The following CABCOCO1 variants were observed in gnomAD, a reference collection of about 807,000 sequenced individuals.
The protein encoded by CABCOCO1 is ciliary-associated calcium-binding coiled-coil protein 1.
CABCOCO1 carries 28 observed loss-of-function variants against 35.7 expected under a neutral mutation model. The observed-to-expected ratio is 0.78, with a 90% CI of 0.58 to 1.07. The LOEUF (loss-of-function observed/expected upper bound fraction) is 1.07, where lower values mean the gene tolerates loss of function less well. CABCOCO1 is among the 50% of genes least tolerant of loss of function. The probability of loss-of-function intolerance (pLI) is 0.00; values close to 1 mark genes in which losing one functional copy is unlikely to be tolerated. For synonymous variants in CABCOCO1, 95 were observed against 100.1 expected (o/e 0.95, Z 0.30); for missense variants, 326 against 309.2 (o/e 1.05, Z -0.41).
At chr10:61,726,777 G>A (rs1300071012) in intron 5 of CABCOCO1, among the ~76,000 whole-genome samples, 1 of 151,518 alleles carries the variant, frequency 6.6e-6, no homozygotes, top group South Asian at 2.1e-4. Flanking sequence ...TTATAATAAG[G>A]CCAGGCACAG....
intron 2 of CABCOCO1, among the ~76,000 whole-genome samples, chr10:61,679,470 T>A (rs1839640944): frequency 6.6e-6 from 1 of 152,212 alleles, no homozygotes; most frequent in Non-Finnish European, 1.5e-5. Flanking sequence ...GGAAATTGAC[T>A]GTTTATATGA....
intron 5 of CABCOCO1, among the ~76,000 whole-genome samples, chr10:61,715,145 C>T (rs866386561): frequency 4.6e-5 from 7 of 151,998 alleles, no homozygotes; most frequent in Non-Finnish European, 5.9e-5. Flanking sequence ...GTGTGGGAGT[C>T]CAAGTCTCTT....
intron 5 of CABCOCO1, among the ~76,000 whole-genome samples, chr10:61,728,041 A>G (rs574435105): frequency 6.6e-6 from 1 of 152,352 alleles, no homozygotes; most frequent in Admixed American, 6.5e-5. Context: ...CCTGTGGGTT[A>G]CACACATCAG....
chr10:61,730,622 A>G (rs1841281094), intron 5 of CABCOCO1, among the ~76,000 whole-genome samples: 1 of 152,088 alleles, frequency 6.6e-6, no homozygotes, highest in Admixed American at 6.6e-5. Flanking sequence ...AAGCGTGCCA[A>G]TGTATCTTCC....
intron 5 of CABCOCO1, among the ~76,000 whole-genome samples, chr10:61,737,045 C>A (rs1841433290): frequency 6.6e-6 from 1 of 151,986 alleles, no homozygotes; most frequent in Admixed American, 6.6e-5. Context: ...GCTTTTGGAC[C>A]AAGACTATGG....
intron 5 of CABCOCO1, among the ~76,000 whole-genome samples, chr10:61,754,303 C>T (rs1488501626): frequency 6.6e-6 from 1 of 152,062 alleles, no homozygotes; most frequent in Non-Finnish European, 1.5e-5. Context: ...ATTATTGCAT[C>T]TTTAGAAAAT....
At chr10:61,716,994 AAAAAAGAAAAG>A (rs1277946741) in intron 5 of CABCOCO1, among the ~76,000 whole-genome samples, 2 of 152,288 alleles carry the variant, frequency 1.3e-5, no homozygotes, top group East Asian at 3.9e-4. Context: ...ATTGGGGAGA[AAAAAAGAAAAG>A]AAAAAGAAAA....
intron 1 of CABCOCO1, among the ~76,000 whole-genome samples, chr10:61,663,401 A>G (rs1839071133): frequency 6.6e-6 from 1 of 151,600 alleles, no homozygotes; most frequent in Non-Finnish European, 1.5e-5. Flanking sequence ...TCTAGGTAAA[A>G]TAAGTAATCT....
intron 5 of CABCOCO1, among the ~76,000 whole-genome samples, chr10:61,756,658 A>G (rs932153055): frequency 6.6e-6 from 1 of 152,058 alleles, no homozygotes; most frequent in Non-Finnish European, 1.5e-5. Flanking sequence ...GGCAAAATGG[A>G]TGTATGTGTA....
intron 5 of CABCOCO1, among the ~76,000 whole-genome samples, chr10:61,691,405 C>T (rs773280458): frequency 6.6e-6 from 1 of 152,148 alleles, no homozygotes; most frequent in Non-Finnish European, 1.5e-5. Flanking sequence ...TCTGGAGACA[C>T]TTTCAAACAA....
chr10:61,742,115 G>C (rs532025474), intron 5 of CABCOCO1, among the ~76,000 whole-genome samples: 5 of 152,258 alleles, frequency 3.3e-5, no homozygotes, highest in African/African-American at 1.2e-4. Flanking sequence ...GACAGGACTT[G>C]CTGAAAAATT....
intron 1 of CABCOCO1, among the ~76,000 whole-genome samples, chr10:61,666,544 A>C (rs1167970399): frequency 3.3e-5 from 5 of 152,174 alleles, no homozygotes; most frequent in African/African-American, 9.7e-5. Context: ...TGTCATTCTT[A>C]CTGTCGGTCT....
chr10:61,674,341 C>T (rs115734841), intron 2 of CABCOCO1, among the ~76,000 whole-genome samples: 1 of 152,158 alleles, frequency 6.6e-6, no homozygotes, highest in Non-Finnish European at 1.5e-5. Context: ...GGCTCAATAG[C>T]AGGTTGACCT....
intron 7 of CABCOCO1, among the ~76,000 whole-genome samples, chr10:61,764,928 C>CA (rs1182060933): frequency 6.6e-6 from 1 of 152,102 alleles, no homozygotes; most frequent in African/African-American, 2.4e-5. Context: ...GTTATAGTTA[C>CA]ACTCTTGTAA....
intron 1 of CABCOCO1, among the ~76,000 whole-genome samples, chr10:61,664,429 A>T (rs1425810584): frequency 6.6e-6 from 1 of 151,994 alleles, no homozygotes; most frequent in Non-Finnish European, 1.5e-5. Context: ...TTTTTAAAAG[A>T]TGTAAAGAAG....
intron 1 of CABCOCO1, among the ~76,000 whole-genome samples, chr10:61,672,099 C>T (rs1839378105): frequency 6.6e-6 from 1 of 152,160 alleles, no homozygotes; most frequent in South Asian, 2.1e-4. Flanking sequence ...CTTGGTGTTG[C>T]TGGTTCATTC....
At position 61,765,766 on chromosome 10, in the gene CABCOCO1, GA is replaced by G. The variant is rs1276883310; in HGVS notation, c.817-172del. 2.6e-5 allele frequency among the ~76,000 whole-genome samples: 4 copies of G among 152,330 alleles called. No homozygotes were observed. The East Asian group carries it at 7.7e-4, about 29-fold the overall frequency. The stretch of plus-strand genomic sequence containing the variant: ...ACATTGGAAATGTGCAGAGAAATAT[GA>G]TAAAGTGTTATCACATCACTACAGG... On this transcript the variant is annotated intron_variant, in intron 7 of 7. Coordinates refer to ENST00000648843, the MANE Select transcript of CABCOCO1 (RefSeq NM_001366906.2).
At chr10:61,724,906 A>G (rs1336500164) in intron 5 of CABCOCO1, among the ~76,000 whole-genome samples, 3 of 152,216 alleles carry the variant, frequency 2.0e-5, no homozygotes, top group Non-Finnish European at 4.4e-5. Flanking sequence ...GCACATGTAT[A>G]CATATGTAAC....
chr10:61,671,367 G>T (rs1839355464), intron 1 of CABCOCO1, among the ~76,000 whole-genome samples: 1 of 151,982 alleles, frequency 6.6e-6, no homozygotes, highest in South Asian at 2.1e-4. Context: ...TGCAGGTTGT[G>T]CTCTGAGCAA....
Sources: gnomAD v4.1 joint callset for allele counts (sites outside exome capture counted in the v4.1 genomes callset) on GRCh38, gnomAD v4.1.1 for gene constraint, MANE v1.5 for transcripts, NCBI Gene and HGNC (gene_info 2026-07-23, HGNC 2026-07-21) for gene names.